Variants in CDH23 observed in about 807,000 individuals in gnomAD.
CDH23 encodes cadherin-23.
In CDH23, 189 loss-of-function variants were observed where a neutral mutation model predicts 317.1. The ratio of observed to expected loss-of-function variants is 0.60; its 90% CI spans 0.53 to 0.67. CDH23 has a LOEUF of 0.67. CDH23 is among the 30% of genes least tolerant of loss of function. The probability of loss-of-function intolerance (pLI) is 0.00; values close to 1 mark genes in which losing one functional copy is unlikely to be tolerated. For synonymous variants in CDH23, 1,839 were observed against 1,876.8 expected (o/e 0.98, Z 0.52); for missense variants, 4,401 against 4,592.4 (o/e 0.96, Z 1.20).
intron 69 of CDH23, 36 bp from the exon 70 acceptor site, chr10:71,814,916 T>C (rs774489055): frequency 6.4e-6 from 10 of 1,565,446 alleles, no homozygotes; most frequent in Non-Finnish European, 8.7e-6. Flanking sequence ...CCCTTGGGCA[T>C]GGCCCTGAGC....
At chr10:71,740,796 G>T in intron 36 of CDH23, 26 bp from the exon 37 acceptor site, 9 of 1,613,424 alleles carry the variant, frequency 5.6e-6, no homozygotes, top group Non-Finnish European at 7.6e-6. Flanking sequence ...CTTTAGCCCT[G>T]ACTCCAGTTG....
At chr10:71,661,882 C>T (rs1341245016) in intron 14 of CDH23, among the ~76,000 whole-genome samples, 1 of 115,226 alleles carries the variant, frequency 8.7e-6, no homozygotes, top group Non-Finnish European at 1.9e-5. Flanking sequence ...CCCTCCCACC[C>T]AGCGCGCCCC....
At chr10:71,537,837 G>A (rs1177271625) in intron 6 of CDH23, among the ~76,000 whole-genome samples, 1 of 152,162 alleles carries the variant, frequency 6.6e-6, no homozygotes, top group Non-Finnish European at 1.5e-5. Context: ...TTGCGATGAT[G>A]GTGTTATTAT....
At chr10:71,402,131 C>A (rs895240722) in intron 1 of CDH23, among the ~76,000 whole-genome samples, 9 of 152,086 alleles carry the variant, frequency 5.9e-5, no homozygotes, top group Non-Finnish European at 1.0e-4. Flanking sequence ...ATATTTGGGG[C>A]CTCAGGGTTT....
rs373480195 is a variant in CDH23, at chr10:71,740,853, G to A, written c.4520G>A (p.Arg1507Gln). 71 of 1,613,770 alleles carry A rather than the reference G, an allele frequency of 4.4e-5. 1 individual carries two copies. In the Middle Eastern group the frequency reaches 1.3e-3, roughly 30 times the overall value. Residue 1507 changes from arginine (R) to glutamine (Q), a missense_variant, in exon 37 of 70, where the codon CGG becomes CAG. Arg to Gln is a conservative substitution (Grantham distance 43). Transcript: ENST00000224721. Reference sequence around the variant, plus strand: ...GCTTCTGACCGAGGCACCCCTCCACGGAAGAAGGACCACATCCTGCAGGTG... The same window carrying A: ...GCTTCTGACCGAGGCACCCCTCCACAGAAGAAGGACCACATCCTGCAGGTG... ...VVASDRGTPPRKKDHILQVTI... is the reference protein window; with the variant it reads ...VVASDRGTPPQKKDHILQVTI...
intron 34 of CDH23, among the ~76,000 whole-genome samples, chr10:71,735,389 G>T (rs1463262765): frequency 6.6e-6 from 1 of 152,192 alleles, no homozygotes. Flanking sequence ...AGAAGAGGCG[G>T]CCCGGCCTGA....
chr10:71,793,592 C>A lies in CDH23; in HGVS notation c.6664C>A (p.Arg2222Ser). The change falls in exon 48 of 70, where the codon CGC (arginine) becomes AGC (serine). Residue 2222 changes from arginine to serine, a missense_variant. Arg to Ser is a moderately radical substitution (Grantham distance 110). Transcript: ENST00000224721. ...CATTGTGGCCAAGGACGACACTGAT[C>A]GCCTGGTGCCCAACCAGGAGGACGC... ...VGIVAKDDTD[R>S]LVPNQEDAFA... 3 of 1,608,104 alleles carry A rather than the reference C, an allele frequency of 1.9e-6. No individual in the cohort carries two copies. Among genetic ancestry groups the A allele is most frequent in the South Asian group, 1.1e-5 (1 of 90,806 alleles).
chr10:71,576,432 G>A (rs1374304628), intron 8 of CDH23, among the ~76,000 whole-genome samples: 4 of 152,176 alleles, frequency 2.6e-5, no homozygotes, highest in Non-Finnish European at 4.4e-5. Context: ...TGGAGTTAGA[G>A]GAGGGGTAGC....
In CDH23 at chr10:71,728,196, C is replaced by A. The variant is rs950894568; in HGVS notation, c.3580-2273C>A. On this transcript the variant is annotated intron_variant, in intron 30 of 69. Transcript: ENST00000224721. ...AAATTCATCCATGCAAACTCCCCCC[C>A]GCACCCACCCTACCCAGGATCTTCC... Among the ~76,000 whole-genome samples the A allele has an allele frequency of 2.0e-5, 3 of 152,134 alleles. No homozygotes were observed. The South Asian group carries it at 6.2e-4, about 32-fold the overall frequency.
At chr10:71,806,384 T>G (rs1001185457) in intron 57 of CDH23, 103 bp downstream of exon 57, 32 of 805,068 alleles carry the variant, frequency 4.0e-5, no homozygotes, top group Admixed American at 2.1e-4. Context: ...CACATTTGGC[T>G]AGACACGGAA....
At chr10:71,793,759 C>G in intron 48 of CDH23, 119 bp downstream of exon 48, 2 of 759,548 alleles carry the variant, frequency 2.6e-6, no homozygotes, top group East Asian at 5.4e-5. Flanking sequence ...ACTCTCTTCT[C>G]TCCCCCTCCT....
At chr10:71,402,076 T>C (rs1847805937) in intron 1 of CDH23, among the ~76,000 whole-genome samples, 1 of 152,208 alleles carries the variant, frequency 6.6e-6, no homozygotes, top group Non-Finnish European at 1.5e-5. Context: ...TCAGGATCTG[T>C]CAATGGTGAG....
chr10:71,608,160 C>G (rs1365294054), intron 9 of CDH23, among the ~76,000 whole-genome samples: 1 of 152,210 alleles, frequency 6.6e-6, no homozygotes. Flanking sequence ...GTCTTTTTCA[C>G]ATCCTGCGAG....
intron 16 of CDH23, among the ~76,000 whole-genome samples, chr10:71,679,010 G>C (rs1250446159): frequency 2.0e-5 from 3 of 152,126 alleles, no homozygotes; most frequent in Non-Finnish European, 4.4e-5. Flanking sequence ...CCGGCTCCGG[G>C]AGTCAGGGAG....
Position 71,732,383 on chromosome 10 carries a change from G to C in CDH23, c.4104+8G>C, listed in dbSNP as rs757960871. 5.0e-5 allele frequency: 77 copies of C among 1,555,508 alleles called. No individual in the cohort carries two copies. Among genetic ancestry groups the C allele is most frequent in the Non-Finnish European group, 4.4e-5 (50 of 1,149,090 alleles). ...AAGATAGACGCCATCACGGTGAGGG[G>C]CTGGGGGCAGGGAGCACCATTTCTT... is the stretch of plus-strand genomic sequence containing the variant. On this transcript the variant is annotated splice_region_variant and intron_variant, in intron 32 of 69. Transcript: ENST00000224721.
intron 3 of CDH23, among the ~76,000 whole-genome samples, chr10:71,507,721 ATGC>A (rs1285990272): frequency 6.6e-6 from 1 of 152,154 alleles, no homozygotes; most frequent in East Asian, 1.9e-4. Flanking sequence ...AATCAATCAA[ATGC>A]TGCTCCCAAT....
chr10:71,776,885 G>T (rs933029651), intron 38 of CDH23, among the ~76,000 whole-genome samples: 1 of 152,266 alleles, frequency 6.6e-6, no homozygotes, highest in African/African-American at 2.4e-5. Flanking sequence ...CCAGGGTAAG[G>T]CAGTTAGTCC....
chr10:71,532,737 T>G (rs912878538), intron 6 of CDH23, among the ~76,000 whole-genome samples: 5,392 of 84,308 alleles, frequency 0.064, 138 homozygotes, highest in African/African-American at 0.089. Context: ...GTTTTTTTTT[T>G]TTTTTTTTTT....
chr10:71,514,455 TG>T, intron 6 of CDH23, among the ~76,000 whole-genome samples: 1 of 152,270 alleles, frequency 6.6e-6, no homozygotes, highest in Middle Eastern at 3.4e-3. Flanking sequence ...ATGACCCACC[TG>T]GACCCAAGTC....
Sources: gnomAD v4.1 joint callset for allele counts (sites outside exome capture counted in the v4.1 genomes callset) on GRCh38, gnomAD v4.1.1 for gene constraint, MANE v1.5 for transcripts, NCBI Gene and HGNC (gene_info 2026-07-23, HGNC 2026-07-21) for gene names.